EPHA6: variants seen among roughly 807,000 people sequenced by gnomAD.
EPHA6 encodes the protein ephrin type-A receptor 6.
EPHA6 carries 50 observed loss-of-function variants against 112.0 expected under a neutral mutation model. That is an observed-to-expected ratio of 0.45 (90% CI 0.36 to 0.56). EPHA6 has a LOEUF of 0.56. Ranked by LOEUF, EPHA6 falls within the 20% of genes least tolerant of loss-of-function variation. The probability of loss-of-function intolerance (pLI) is 0.00; values close to 1 mark genes in which losing one functional copy is unlikely to be tolerated. For synonymous variants in EPHA6, 529 were observed against 490.7 expected (o/e 1.08, Z -1.03); for missense variants, 1,280 against 1,417.4 (o/e 0.90, Z 1.56).
intron 4 of EPHA6, among the ~76,000 whole-genome samples, chr3:97,237,076 C>G (rs2078700263): frequency 6.6e-6 from 1 of 151,848 alleles, no homozygotes; most frequent in South Asian, 2.1e-4. Context: ...TTCAAAAGGA[C>G]AGCTGATTGT....
chr3:97,274,469 T>G (rs1269793829), intron 5 of EPHA6, among the ~76,000 whole-genome samples: 1 of 152,130 alleles, frequency 6.6e-6, no homozygotes, highest in Non-Finnish European at 1.5e-5. Context: ...GGAGGACCCT[T>G]GCGTAGTGAG....
chr3:97,233,561 C>T (rs980134545), intron 4 of EPHA6, among the ~76,000 whole-genome samples: 1 of 152,144 alleles, frequency 6.6e-6, no homozygotes, highest in African/African-American at 2.4e-5. Flanking sequence ...TATGCATTCT[C>T]TCCATGCTAG....
At chr3:96,907,565 G>A (rs72916416) in intron 2 of EPHA6, among the ~76,000 whole-genome samples, 2,049 of 151,598 alleles carry the variant, frequency 0.014, 49 homozygotes, top group African/African-American at 0.045. Context: ...TGCATCTTAT[G>A]TTTGCATTGG....
rs910287987 is a variant in EPHA6 at position 97,216,009 on chromosome 3, A to T, written c.1115-10255A>T. Among the ~76,000 whole-genome samples, 4 of 152,352 alleles carry T rather than the reference A, an allele frequency of 2.6e-5. No homozygotes were observed. In the South Asian group the frequency reaches 6.2e-4, roughly 24 times the overall value. ...TCTAACAAGAAGAAAGCAAAAGAGA[A>T]AGGGAAAAGAAACTACATCAGGTGA... On this transcript the variant is annotated intron_variant, in intron 3 of 17. Transcript: ENST00000389672.
intron 3 of EPHA6, among the ~76,000 whole-genome samples, chr3:97,090,748 G>T (rs2047038576): frequency 6.6e-6 from 1 of 151,848 alleles, no homozygotes; most frequent in South Asian, 2.1e-4. Context: ...CCTGAAATTG[G>T]GATTTATAAT....
intron 14 of EPHA6, among the ~76,000 whole-genome samples, chr3:97,707,014 T>A (rs2033715782): frequency 6.6e-6 from 1 of 152,194 alleles, no homozygotes; most frequent in Non-Finnish European, 1.5e-5. Context: ...ATGCCACCAG[T>A]GACCTTCAGT....
intron 5 of EPHA6, among the ~76,000 whole-genome samples, chr3:97,292,778 G>A (rs370910761): frequency 2.6e-5 from 4 of 151,332 alleles, no homozygotes; most frequent in Non-Finnish European, 4.4e-5. Context: ...GAGGAGACCC[G>A]TGGTGGTAGC....
At position 97,271,794 on chromosome 3, in the gene EPHA6, C is replaced by T. The variant is rs1040263359; in HGVS notation, c.1606+27507C>T. On this transcript the variant is annotated intron_variant, in intron 5 of 17. Transcript: ENST00000389672. ...GTTTTTCATAGGTAGTCAAAAATGG[C>T]CACTTCCTTTTTATTTTTTATTGTA... 5.9e-5 allele frequency among the ~76,000 whole-genome samples: 9 copies of T among 151,968 alleles called. 1 individual carries two copies. The highest frequency in any genetic ancestry group is 2.0e-4 in the Admixed American group (3 of 15,250).
intron 5 of EPHA6, among the ~76,000 whole-genome samples, chr3:97,340,072 A>T (rs79787683): frequency 0.043 from 6,488 of 152,328 alleles, 167 homozygotes; most frequent in Admixed American, 0.066. Flanking sequence ...TAGATAAAAA[A>T]TTTTTGAGAT....
intron 11 of EPHA6, among the ~76,000 whole-genome samples, chr3:97,564,636 A>C (rs1034726740): frequency 3.3e-5 from 5 of 152,178 alleles, no homozygotes; most frequent in Admixed American, 1.3e-4. Flanking sequence ...TTGCCATCCA[A>C]CATTTTTTTT....
intron 5 of EPHA6, among the ~76,000 whole-genome samples, chr3:97,322,854 T>A (rs1224597108): frequency 1.3e-5 from 2 of 152,024 alleles, no homozygotes; most frequent in African/African-American, 4.8e-5. Context: ...GGAACAATCC[T>A]CCTAACGAGA....
chr3:96,862,672 A>G (rs1178838571), intron 1 of EPHA6, among the ~76,000 whole-genome samples: 1 of 151,924 alleles, frequency 6.6e-6, no homozygotes, highest in African/African-American at 2.4e-5. Context: ...CTTCTATTAT[A>G]TACTATAAAT....
At chr3:97,566,850 G>A (rs1263945616) in intron 11 of EPHA6, among the ~76,000 whole-genome samples, 1 of 152,172 alleles carries the variant, frequency 6.6e-6, no homozygotes, top group Non-Finnish European at 1.5e-5. Context: ...ATTCCAATGA[G>A]TAATAGTCTT....
At chr3:97,675,910 G>A (rs1378771679) in intron 14 of EPHA6, among the ~76,000 whole-genome samples, 4 of 152,158 alleles carry the variant, frequency 2.6e-5, no homozygotes, top group Admixed American at 2.0e-4. Flanking sequence ...TATTCTTAAG[G>A]TACAGCTAAC....
intron 2 of EPHA6, among the ~76,000 whole-genome samples, chr3:96,905,931 A>G (rs958793275): frequency 1.3e-5 from 2 of 152,182 alleles, no homozygotes; most frequent in East Asian, 1.9e-4. Context: ...CAATGCAGGT[A>G]TATGTATGTG....
chr3:97,270,507 T>C (rs2079842807), intron 5 of EPHA6, among the ~76,000 whole-genome samples: 1 of 152,240 alleles, frequency 6.6e-6, no homozygotes, highest in Non-Finnish European at 1.5e-5. Context: ...TTTTTTATGC[T>C]AGAAGATAAT....
At chr3:97,289,310 C>T (rs937310358) in intron 5 of EPHA6, among the ~76,000 whole-genome samples, 2 of 152,016 alleles carry the variant, frequency 1.3e-5, no homozygotes, top group African/African-American at 4.8e-5. Context: ...GCTAGCCACC[C>T]ATCCCAGCAC....
intron 3 of EPHA6, among the ~76,000 whole-genome samples, chr3:97,113,962 A>G (rs576780360): frequency 6.6e-6 from 1 of 152,258 alleles, no homozygotes; most frequent in African/African-American, 2.4e-5. Context: ...GTCCTGAATT[A>G]CAGCAGAAAT....
chr3:97,459,888 A>G (rs1287496011), intron 7 of EPHA6, among the ~76,000 whole-genome samples: 1 of 152,224 alleles, frequency 6.6e-6, no homozygotes, highest in Non-Finnish European at 1.5e-5. Flanking sequence ...TCTCTCTGAC[A>G]GTTCATATTT....
Sources: gnomAD v4.1 joint callset for allele counts (sites outside exome capture counted in the v4.1 genomes callset) on GRCh38, gnomAD v4.1.1 for gene constraint, MANE v1.5 for transcripts, NCBI Gene and HGNC (gene_info 2026-07-23, HGNC 2026-07-21) for gene names.